Variants in ZNF644 observed in about 807,000 individuals in gnomAD.
The protein encoded by ZNF644 is zinc finger protein 644, also known as zinc finger motif enhancer binding protein 2.
In ZNF644, 20 loss-of-function variants were observed where a neutral mutation model predicts 108.0. The observed-to-expected ratio is 0.19, with a 90% CI of 0.13 to 0.27. The LOEUF (loss-of-function observed/expected upper bound fraction) is 0.27. Ranked by LOEUF, ZNF644 falls within the 10% of genes least tolerant of loss-of-function variation. The probability of loss-of-function intolerance (pLI) is 1.00; values close to 1 mark genes in which losing one functional copy is unlikely to be tolerated. For missense variants in ZNF644, 1,338 were observed against 1,548.9 expected (o/e 0.86, Z 2.29); for synonymous variants, 542 against 539.1 (o/e 1.01, Z -0.08).
chr1:90,932,725 T>A (rs889069628), intron 4 of ZNF644, among the ~76,000 whole-genome samples: 1 of 152,088 alleles, frequency 6.6e-6, no homozygotes, highest in African/African-American at 2.4e-5. Flanking sequence ...TTAGTTGGCA[T>A]GAATAAGCAG....
intron 5 of ZNF644, 28 bp from the exon 6 acceptor site, chr1:90,917,018 A>G (rs1317010161): frequency 6.2e-7 from 1 of 1,609,214 alleles, no homozygotes; most frequent in South Asian, 1.1e-5. Context: ...TTCTCTTAAC[A>G]TGACCAATTC....
chr1:90,922,417 A>G (rs1311176416), intron 4 of ZNF644, among the ~76,000 whole-genome samples: 1 of 152,106 alleles, frequency 6.6e-6, no homozygotes, highest in Non-Finnish European at 1.5e-5. Context: ...AATATTAGCT[A>G]TGAGCTCATT....
chr1:90,940,029 A>G lies in ZNF644; in HGVS notation c.1325T>C (p.Leu442Pro). ...HLDGNSHFRH[L>P]NVPRPYACRE... The stretch of plus-strand genomic sequence containing the variant: ...ACAAGCATATGGCCTTGGGACATTA[A>G]GATGGCGAAAGTGACTATTCCCATC... Residue 442 changes from leucine (L) to proline (P), a missense_variant, in exon 3 of 6, where the codon CTT (leucine) becomes CCT (proline). Leu to Pro is a moderately conservative substitution (Grantham distance 98). This residue lies in a region of ZNF644 where 80 missense variants were observed against 183.0 expected (regional missense o/e 0.44). Coordinates refer to ENST00000337393, the MANE Select transcript of ZNF644 (RefSeq NM_201269.3). 1 of 1,614,114 alleles carries G rather than the reference A, an allele frequency of 6.2e-7. No homozygotes were observed. The highest frequency in any genetic ancestry group is 8.5e-7 in the Non-Finnish European group (1 of 1,179,972).
intron 1 of ZNF644, among the ~76,000 whole-genome samples, chr1:90,997,332 GGCATT>G (rs1456630502): frequency 6.6e-6 from 1 of 152,078 alleles, no homozygotes; most frequent in Non-Finnish European, 1.5e-5. Context: ...ATTGCTCCCA[GGCATT>G]TAATGAAATC....
rs1415190079 is a variant in ZNF644, at chr1:90,939,911, A to T, written c.1443T>A (p.Ile481=). 6.2e-7 allele frequency: 1 copy of T among 1,613,944 alleles called. No homozygotes were observed. The highest frequency in any genetic ancestry group is 8.5e-7 in the Non-Finnish European group (1 of 1,179,978). ...QERRQKLMEE[I]RELKELQDEG... is the part of the protein sequence containing the mutation. ...CATCCTGAAGTTCTTTCAATTCACG[A>T]ATTTCCTCCATCAACTTCTGTCTTC... Residue 481 remains isoleucine (I), a synonymous_variant, in exon 3 of 6, where the codon ATT becomes ATA. Coordinates refer to ENST00000337393, the MANE Select transcript of ZNF644 (RefSeq NM_201269.3).
Position 90,916,753 on chromosome 1 carries a change from A to C in ZNF644, c.*45T>G. ...TGTGGCTTAAAAAAAAAGAATTTCA[A>C]ATTTACATCCAATTCAAACTGGCTA... On this transcript the variant is annotated 3_prime_UTR_variant, in exon 6 of 6. Coordinates refer to ENST00000337393, the MANE Select transcript of ZNF644 (RefSeq NM_201269.3). 1 of 1,605,348 alleles carries C rather than the reference A, an allele frequency of 6.2e-7. No homozygotes were observed. The highest frequency in any genetic ancestry group is 1.1e-5 in the South Asian group (1 of 90,706).
At chr1:90,973,740 CACTGCAGGAG>C (rs1655731085) in intron 2 of ZNF644, among the ~76,000 whole-genome samples, 2 of 152,080 alleles carry the variant, frequency 1.3e-5, no homozygotes, top group African/African-American at 4.8e-5. Flanking sequence ...CTATAGAGGG[CACTGCAGGAG>C]ACGTCAATAT....
intron 1 of ZNF644, among the ~76,000 whole-genome samples, chr1:90,996,440 G>C (rs538692596): frequency 1.3e-5 from 2 of 152,246 alleles, no homozygotes; most frequent in South Asian, 4.2e-4. Flanking sequence ...ACACTTTAAG[G>C]CATCTTATCT....
intron 2 of ZNF644, among the ~76,000 whole-genome samples, chr1:90,970,085 C>T (rs1314731524): frequency 6.6e-6 from 1 of 152,176 alleles, no homozygotes; most frequent in Admixed American, 6.5e-5. Context: ...GACATAAGAA[C>T]AAGTTTGCCT....
intron 1 of ZNF644, among the ~76,000 whole-genome samples, chr1:90,998,060 G>A (rs553268665): frequency 2.9e-3 from 444 of 152,278 alleles, no homozygotes; most frequent in African/African-American, 9.9e-3. Context: ...AGCTCGAACT[G>A]GGGGGAGCCC....
chr1:90,993,401 G>A (rs77614092), intron 1 of ZNF644, among the ~76,000 whole-genome samples: 16,872 of 151,704 alleles, frequency 0.11, 1,018 homozygotes, highest in South Asian at 0.16. Context: ...CTGACCTGCT[G>A]CTAAATGCAG....
chr1:91,006,105 G>A (rs1416947854), intron 1 of ZNF644, among the ~76,000 whole-genome samples: 1 of 152,148 alleles, frequency 6.6e-6, no homozygotes, highest in Non-Finnish European at 1.5e-5. Context: ...AGAACACTAT[G>A]CAACTGTATG....
chr1:90,958,378 TA>T (rs1424740236), intron 2 of ZNF644, among the ~76,000 whole-genome samples: 4 of 152,138 alleles, frequency 2.6e-5, no homozygotes, highest in African/African-American at 9.6e-5. Flanking sequence ...CAAGACTTAG[TA>T]TTGTTAAGAT....
At position 91,022,023 on chromosome 1, in the gene ZNF644, G is replaced by T; in HGVS notation, c.-51C>A. 1 of 398,852 alleles carries T rather than the reference G, an allele frequency of 2.5e-6. No individual in the cohort carries two copies. Among genetic ancestry groups the T allele is most frequent in the East Asian group, 3.6e-5 (1 of 28,032 alleles). 24.7% of individuals were successfully genotyped at this position (398,852 alleles called of 1,614,324 possible). A position where few individuals can be genotyped will look rare whatever the true frequency, so the allele number is the denominator to read the frequency against. ...GCCGTGTGCGTCAAACCGGGGCGAC[G>T]TTGGGAGCACGCGGCGTCCCCGCGT... On this transcript the variant is annotated 5_prime_UTR_variant, in exon 1 of 6. Transcript: ENST00000337393.
At chr1:90,980,303 C>A (rs1656417179) in intron 2 of ZNF644, among the ~76,000 whole-genome samples, 1 of 152,130 alleles carries the variant, frequency 6.6e-6, no homozygotes, top group Admixed American at 6.6e-5. Context: ...AGGTCTCTGG[C>A]AACTGGGGAG....
intron 1 of ZNF644, among the ~76,000 whole-genome samples, chr1:90,989,309 G>C (rs1347372637): frequency 6.6e-6 from 1 of 152,214 alleles, no homozygotes; most frequent in Non-Finnish European, 1.5e-5. Flanking sequence ...AGCACTCTGA[G>C]AGGCTGAGGT....
intron 2 of ZNF644, among the ~76,000 whole-genome samples, chr1:90,976,288 C>G (rs984355133): frequency 6.6e-6 from 1 of 152,192 alleles, no homozygotes; most frequent in Non-Finnish European, 1.5e-5. Flanking sequence ...CTACACTATA[C>G]TACTCAGACT....
intron 1 of ZNF644, among the ~76,000 whole-genome samples, chr1:91,013,484 TACAC>T (rs772232056): frequency 6.7e-5 from 7 of 104,974 alleles, no homozygotes; most frequent in South Asian, 3.2e-4. Context: ...CACACACACA[TACAC>T]ACACACACAC....
intron 4 of ZNF644, among the ~76,000 whole-genome samples, chr1:90,931,618 T>C (rs994210464): frequency 2.0e-5 from 3 of 152,146 alleles, no homozygotes; most frequent in Non-Finnish European, 4.4e-5. Context: ...CTGGGACAGT[T>C]CTGGGCAAAA....
Sources: gnomAD v4.1 joint callset for allele counts (sites outside exome capture counted in the v4.1 genomes callset) on GRCh38, gnomAD v4.1.1 for gene constraint, gnomAD v4.1.1 regional missense constraint, MANE v1.5 for transcripts, NCBI Gene and HGNC (gene_info 2026-07-23, HGNC 2026-07-21) for gene names.